Variants in KIAA1328 observed in about 807,000 individuals in gnomAD.
KIAA1328 encodes the protein KIAA1328, also known as protein hinderin.
Under a neutral mutation model 68.1 loss-of-function variants are expected in KIAA1328, and 52 were observed. The observed-to-expected ratio is 0.76, with a 90% CI of 0.61 to 0.96. The LOEUF (loss-of-function observed/expected upper bound fraction) is 0.96. KIAA1328 is among the 40% of genes least tolerant of loss of function. The pLI, the probability that KIAA1328 is intolerant of heterozygous loss-of-function variation, is 0.00. For missense variants in KIAA1328, 641 were observed against 677.6 expected (o/e 0.95, Z 0.60); for synonymous variants, 232 against 239.4 (o/e 0.97, Z 0.28).
downstream of KIAA1328, chr18:37,231,492 G>A (rs955214855): frequency 1.5e-4 from 23 of 152,320 alleles, no homozygotes; most frequent in African/African-American, 5.5e-4. Context: ...GCCAGAGGGA[G>A]TGCCAAGAGG....
Position 36,848,195 on chromosome 18 carries a change from TA to T in KIAA1328, c.332+3894del, listed in dbSNP as rs773586542. 8.6e-5 allele frequency among the ~76,000 whole-genome samples: 13 copies of T among 151,780 alleles called. No homozygotes were observed. The East Asian group carries it at 2.1e-3, about 25-fold the overall frequency. ...ACTAACATTATCGAGTCTTTCAATTTACAAAAAGTTATCTATTAAGTATTTA... is the reference window on the plus strand; with the variant it reads ...ACTAACATTATCGAGTCTTTCAATTTCAAAAAGTTATCTATTAAGTATTTA... On this transcript the variant is annotated intron_variant, in intron 4 of 9. Coordinates refer to ENST00000280020, the MANE Select transcript of KIAA1328 (RefSeq NM_020776.3).
At chr18:37,172,491 A>G (rs1317096799) in intron 8 of KIAA1328, among the ~76,000 whole-genome samples, 1 of 152,210 alleles carries the variant, frequency 6.6e-6, no homozygotes, top group Non-Finnish European at 1.5e-5. Context: ...TTAGTTGAGC[A>G]TCTCTTCCAA....
intron 7 of KIAA1328, among the ~76,000 whole-genome samples, chr18:37,138,639 C>G (rs187808198): frequency 2.0e-3 from 305 of 152,268 alleles, no homozygotes; most frequent in Non-Finnish European, 3.7e-3. Context: ...CGCCCCCATT[C>G]TCCTCTTCTT....
intron 7 of KIAA1328, among the ~76,000 whole-genome samples, chr18:37,079,491 TAAAATA>T (rs2056872529): frequency 1.3e-5 from 2 of 150,080 alleles, no homozygotes; most frequent in African/African-American, 2.5e-5. Context: ...AATAATAAAA[TAAAATA>T]AAAATAAAAA....
intron 9 of KIAA1328, among the ~76,000 whole-genome samples, chr18:37,202,287 A>C (rs539080158): frequency 6.6e-6 from 1 of 152,340 alleles, no homozygotes; most frequent in South Asian, 2.1e-4. Flanking sequence ...TCAGTCCTCT[A>C]TCAGTTCAGT....
At chr18:36,955,225 G>A (rs2051358352) in intron 5 of KIAA1328, among the ~76,000 whole-genome samples, 1 of 150,756 alleles carries the variant, frequency 6.6e-6, no homozygotes, top group Non-Finnish European at 1.5e-5. Flanking sequence ...TCCGCTTCCC[G>A]GGTTCAAGTG....
chr18:37,077,103 G>T (rs1173412152), intron 7 of KIAA1328, among the ~76,000 whole-genome samples: 1 of 150,718 alleles, frequency 6.6e-6, no homozygotes, highest in South Asian at 2.1e-4. Context: ...CTGGCAAACC[G>T]AATCCAGCAG....
At chr18:37,016,739 C>A (rs1435297758) in intron 6 of KIAA1328, among the ~76,000 whole-genome samples, 2 of 152,018 alleles carry the variant, frequency 1.3e-5, no homozygotes, top group African/African-American at 4.8e-5. Context: ...TCTAGATTTT[C>A]TAGTTTATGT....
At chr18:37,079,592 A>G (rs879856556) in intron 7 of KIAA1328, among the ~76,000 whole-genome samples, 10 of 152,098 alleles carry the variant, frequency 6.6e-5, no homozygotes, top group Non-Finnish European at 8.8e-5. Flanking sequence ...AAGCAAATAC[A>G]TATGTAAAAG....
At chr18:37,008,515 A>G (rs2053860781) in intron 6 of KIAA1328, among the ~76,000 whole-genome samples, 1 of 152,168 alleles carries the variant, frequency 6.6e-6, no homozygotes, top group African/African-American at 2.4e-5. Context: ...GCTACCTACA[A>G]AAAAAACCCA....
At chr18:36,912,671 A>G (rs1336607526) in intron 5 of KIAA1328, among the ~76,000 whole-genome samples, 1 of 152,112 alleles carries the variant, frequency 6.6e-6, no homozygotes, top group African/African-American at 2.4e-5. Flanking sequence ...AACATTCCCA[A>G]AGTCTAATGC....
chr18:36,924,895 T>C (rs1286247119), intron 5 of KIAA1328: 4 of 152,144 alleles, frequency 2.6e-5, no homozygotes, highest in African/African-American at 9.7e-5. Flanking sequence ...TAAGCATATA[T>C]TGGATTTGTT....
At chr18:37,011,865 G>A (rs2053991393) in intron 6 of KIAA1328, among the ~76,000 whole-genome samples, 2 of 151,900 alleles carry the variant, frequency 1.3e-5, no homozygotes, top group South Asian at 4.2e-4. Flanking sequence ...CTTAATTTTT[G>A]TGATGATTAC....
At position 37,171,894 on chromosome 18, in the gene KIAA1328, T is replaced by C. The variant is rs565843809; in HGVS notation, c.1415-1079T>C. Among the ~76,000 whole-genome samples the C allele has an allele frequency of 2.2e-3, 336 of 152,182 alleles. 2 individuals are homozygous for C. The highest frequency in any genetic ancestry group is 7.8e-3 in the African/African-American group (322 of 41,526). On this transcript the variant is annotated intron_variant, in intron 8 of 9. Coordinates refer to ENST00000280020, the MANE Select transcript of KIAA1328 (RefSeq NM_020776.3). ...ACTACACTCCAGCCTAGTGATAGAG[T>C]GAGACCCTGTCTCAATAAACAAACG...
Position 37,101,110 on chromosome 18 carries a change from C to G in KIAA1328, c.1232+33565C>G, listed in dbSNP as rs576237224. Among the ~76,000 whole-genome samples, 3 of 152,300 alleles carry G rather than the reference C, an allele frequency of 2.0e-5. No individual in the cohort carries two copies. In the East Asian group the frequency reaches 5.8e-4, roughly 29 times the overall value. ...AACGAAACTCTAAATATCAGAGCGC[C>G]TCTCCTCCTCCAAAGGAATGCAGCT... On this transcript the variant is annotated intron_variant, in intron 7 of 9. Transcript: ENST00000280020.
At chr18:36,857,173 G>A (rs2047412541) in intron 4 of KIAA1328, among the ~76,000 whole-genome samples, 1 of 152,136 alleles carries the variant, frequency 6.6e-6, no homozygotes, top group Admixed American at 6.5e-5. Context: ...CATGGCTATG[G>A]CTATCAGCAT....
intron 7 of KIAA1328, among the ~76,000 whole-genome samples, chr18:37,107,069 C>A (rs1466504105): frequency 6.6e-6 from 1 of 152,062 alleles, no homozygotes; most frequent in Non-Finnish European, 1.5e-5. Flanking sequence ...CATGGTGAAA[C>A]CCCATCTCTA....
At chr18:37,076,295 G>A (rs1209830268) in intron 7 of KIAA1328, among the ~76,000 whole-genome samples, 1 of 152,112 alleles carries the variant, frequency 6.6e-6, no homozygotes, top group African/African-American at 2.4e-5. Flanking sequence ...TGAGAACAAA[G>A]ACACAACATA....
At chr18:36,931,733 G>A (rs1371626888) in intron 5 of KIAA1328, among the ~76,000 whole-genome samples, 2 of 151,748 alleles carry the variant, frequency 1.3e-5, no homozygotes, top group Non-Finnish European at 2.9e-5. Flanking sequence ...ATATAAAGTG[G>A]CCAGAAATGT....
Sources: allele counts gnomAD v4.1 joint callset (sites outside exome capture counted in the v4.1 genomes callset), GRCh38; gene constraint gnomAD v4.1.1; transcripts MANE v1.5; gene names NCBI Gene and HGNC (gene_info 2026-07-23, HGNC 2026-07-21).